Variants in PDE1C observed in about 807,000 individuals in gnomAD.
PDE1C encodes the protein dual specificity calcium/calmodulin-dependent 3',5'-cyclic nucleotide phosphodiesterase 1C.
In PDE1C, 62 loss-of-function variants were observed where a neutral mutation model predicts 93.1. The ratio of observed to expected loss-of-function variants is 0.67; its 90% CI spans 0.54 to 0.82. The LOEUF is 0.82. Ranked by LOEUF, PDE1C falls within the 40% of genes least tolerant of loss-of-function variation. The pLI is 0.00. For missense variants in PDE1C, 742 were observed against 884.6 expected (o/e 0.84, Z 2.04); for synonymous variants, 325 against 310.1 (o/e 1.05, Z -0.50).
At chr7:31,717,694 T>C in the PDE1C span, among the ~76,000 whole-genome samples, 3 of 152,230 alleles carry the variant, frequency 2.0e-5, no homozygotes, top group African/African-American at 7.2e-5. Context: ...GCATTAGCTA[T>C]ACCAGTTCTG....
At chr7:32,000,257 T>C (rs762195072) in intron 2 of PDE1C, among the ~76,000 whole-genome samples, 18 of 151,910 alleles carry the variant, frequency 1.2e-4, no homozygotes, top group Non-Finnish European at 2.4e-4. Context: ...AAAGGTGGGG[T>C]AAGGATTAAA....
chr7:32,331,645 G>T (rs1449337509), intron 1 of PDE1C, among the ~76,000 whole-genome samples: 2 of 152,142 alleles, frequency 1.3e-5, no homozygotes, highest in African/African-American at 4.8e-5. Context: ...GCTGAATCCA[G>T]GTGTGAGTGG....
At chr7:31,983,079 T>C (rs547092276) in intron 2 of PDE1C, among the ~76,000 whole-genome samples, 33 of 152,328 alleles carry the variant, frequency 2.2e-4, no homozygotes, top group African/African-American at 7.5e-4. Context: ...TGTACTAGAA[T>C]AGCAATTAAA....
the PDE1C span, among the ~76,000 whole-genome samples, chr7:31,639,947 GT>G: frequency 1.3e-5 from 2 of 152,162 alleles, no homozygotes; most frequent in Non-Finnish European, 2.9e-5. Flanking sequence ...TGGATCATAT[GT>G]TCCTGCTTCT....
chr7:32,404,548 A>T lies in PDE1C; in HGVS notation c.310+23274T>A, dbSNP rs200750784. ...TTTTTATTTTTTATTTTTTTAAGAG[A>T]CAGGGTCTCACTCTGTTGCCCAGGC... On this transcript the variant is annotated intron_variant, in intron 1 of 1. Coordinates refer to the PDE1C transcript ENST00000672256. Among the ~76,000 whole-genome samples, 17 of 151,938 alleles carry T rather than the reference A, an allele frequency of 1.1e-4. No homozygotes were observed. In the East Asian group the frequency reaches 2.9e-3, roughly 26 times the overall value.
chr7:31,886,598 TG>T (rs902896157), intron 2 of PDE1C, among the ~76,000 whole-genome samples: 15 of 152,064 alleles, frequency 9.9e-5, no homozygotes, highest in Non-Finnish European at 2.1e-4. Context: ...AGAGGTGTGA[TG>T]GGGGCTAAGA....
At chr7:31,999,819 T>A (rs1785233551) in intron 2 of PDE1C, among the ~76,000 whole-genome samples, 1 of 152,122 alleles carries the variant, frequency 6.6e-6, no homozygotes, top group African/African-American at 2.4e-5. Flanking sequence ...ATGAGAGAGA[T>A]TAATCATTCA....
In PDE1C at chr7:31,963,306, T is replaced by G. The variant is rs373211137; in HGVS notation, c.129-82446A>C. Among the ~76,000 whole-genome samples the G allele has an allele frequency of 1.2e-3, 183 of 152,322 alleles. 5 individuals carry two copies. In the South Asian group the frequency reaches 0.036, roughly 30 times the overall value. On this transcript the variant is annotated intron_variant, in intron 2 of 17. Transcript: ENST00000396191. ...AACACCAAACGTTATGCTGAAACACTAGATTATTTTGCTCAGCAAATATCT... is the reference window on the plus strand; with the variant it reads ...AACACCAAACGTTATGCTGAAACACGAGATTATTTTGCTCAGCAAATATCT...
intron 1 of PDE1C, among the ~76,000 whole-genome samples, chr7:32,057,735 G>A (rs141857554): frequency 4.1e-4 from 62 of 152,298 alleles, no homozygotes; most frequent in African/African-American, 1.3e-3. Context: ...AGAAACAACA[G>A]TGAGGTGGGA....
chr7:31,996,066 GACACACACACACACAC>G lies in PDE1C; in HGVS notation c.128+55472_128+55487del, dbSNP rs3078631. 6.2e-3 allele frequency among the ~76,000 whole-genome samples: 866 copies of G among 138,634 alleles called. 7 individuals are homozygous for G. The highest frequency in any genetic ancestry group is 7.4e-3 in the Non-Finnish European group (474 of 63,796). The allele number at this position is 138,634 out of a possible 152,430, so 90.9% of individuals were successfully genotyped here. A position where few individuals can be genotyped will look rare whatever the true frequency, so the allele number is the denominator to read the frequency against. On this transcript the variant is annotated intron_variant, in intron 2 of 17. Transcript: ENST00000396191. ...AACCATCTGTCTCTTTACGCTTCCG[GACACACACACACACAC>G]ACACACACACACACACACACACACT...
chr7:31,845,420 C>T (rs10951308), intron 9 of PDE1C, among the ~76,000 whole-genome samples: 25,140 of 151,950 alleles, frequency 0.17, 2,174 homozygotes, highest in Middle Eastern at 0.24. Flanking sequence ...TTTTAGCAGG[C>T]AATTAACTTG....
At chr7:31,822,984 C>G in intron 14 of PDE1C, 89 bp downstream of exon 14, 1 of 1,059,760 alleles carries the variant, frequency 9.4e-7, no homozygotes, top group Non-Finnish European at 1.3e-6. Flanking sequence ...GCATCCTGAG[C>G]AACTGTGCTT....
chr7:32,298,839 GGCCGCGCCGCGCTGTCACTCTCAGCCCC>G (rs1393053327), exon 1 of PDE1C: 3 of 1,429,842 alleles, frequency 2.1e-6, no homozygotes, highest in Non-Finnish European at 2.7e-6. Context: ...ATCCTCCCCC[GGCCGCGCCGCGCTGTCACTCTCAGCCCC>G]GCCGCGCGCT....
intron 1 of PDE1C, chr7:32,052,189 G>C (rs976562586): frequency 6.6e-5 from 28 of 425,542 alleles, no homozygotes; most frequent in Non-Finnish European, 1.2e-4. Flanking sequence ...CAATGAGAAA[G>C]TCTAGAAGCA....
the PDE1C span, among the ~76,000 whole-genome samples, chr7:31,617,715 C>G: frequency 6.6e-6 from 1 of 152,028 alleles, no homozygotes; most frequent in African/African-American, 2.4e-5. Flanking sequence ...CTCCGACCCC[C>G]ACAGTACTTT....
chr7:32,396,345 G>T (rs1015030760), intron 1 of PDE1C, among the ~76,000 whole-genome samples: 1 of 152,076 alleles, frequency 6.6e-6, no homozygotes. Flanking sequence ...GGGCATGGTG[G>T]TGCGTGCCTG....
At chr7:31,806,284 G>C (rs1786815102) in intron 16 of PDE1C, among the ~76,000 whole-genome samples, 1 of 151,864 alleles carries the variant, frequency 6.6e-6, no homozygotes, top group African/African-American at 2.4e-5. Context: ...TGTATTTCTG[G>C]ATAGCTATAA....
intron 3 of PDE1C, among the ~76,000 whole-genome samples, chr7:32,108,442 C>CAT (rs1224711531): frequency 6.6e-6 from 1 of 151,494 alleles, no homozygotes; most frequent in Non-Finnish European, 1.5e-5. Context: ...ACCACACACA[C>CAT]ACACACACAC....
intron 1 of PDE1C, among the ~76,000 whole-genome samples, chr7:32,387,712 G>T (rs1305271662): frequency 3.7e-5 from 5 of 135,626 alleles, no homozygotes; most frequent in South Asian, 2.5e-4. Context: ...GGACGGGGCG[G>T]CTGGCCGGGC....
Sources: gnomAD v4.1 joint callset for allele counts (sites outside exome capture counted in the v4.1 genomes callset) on GRCh38, gnomAD v4.1.1 for gene constraint, MANE v1.5 for transcripts, NCBI Gene and HGNC (gene_info 2026-07-23, HGNC 2026-07-21) for gene names.